Variants in CHCHD6 observed in about 807,000 individuals in gnomAD.
CHCHD6 encodes the protein coiled-coil-helix-coiled-coil-helix domain containing 6, also known as MICOS complex subunit MIC25.
In CHCHD6, 28 loss-of-function variants were observed where a neutral mutation model predicts 32.3. That is an observed-to-expected ratio of 0.87 (90% CI 0.64 to 1.19). The LOEUF (loss-of-function observed/expected upper bound fraction) is 1.19. Ranked by LOEUF, CHCHD6 falls within the 50% of genes most tolerant of loss-of-function variation. CHCHD6 has a pLI of 0.00. For missense variants in CHCHD6, 333 were observed against 307.0 expected (o/e 1.08, Z -0.63); for synonymous variants, 122 against 117.5 (o/e 1.04, Z -0.25).
At chr3:126,794,422 TTA>T (rs981331730) in intron 4 of CHCHD6, among the ~76,000 whole-genome samples, 25 of 148,386 alleles carry the variant, frequency 1.7e-4, no homozygotes, top group Admixed American at 1.2e-3. Flanking sequence ...TTGTATATAT[TTA>T]TATATATACA....
intron 7 of CHCHD6, among the ~76,000 whole-genome samples, chr3:126,958,766 T>G (rs2078821937): frequency 6.6e-6 from 1 of 152,112 alleles, no homozygotes; most frequent in Non-Finnish European, 1.5e-5. Flanking sequence ...CTCCTCCATC[T>G]CAGAGGATGG....
At chr3:126,948,097 C>T (rs1457056059) in intron 6 of CHCHD6, among the ~76,000 whole-genome samples, 2 of 152,210 alleles carry the variant, frequency 1.3e-5, no homozygotes, top group African/African-American at 2.4e-5. Context: ...ATTGGTCCCC[C>T]GGTCATTCCT....
chr3:126,793,515 C>T (rs142888073), intron 4 of CHCHD6, among the ~76,000 whole-genome samples: 1 of 152,230 alleles, frequency 6.6e-6, no homozygotes, highest in East Asian at 1.9e-4. Flanking sequence ...TCCCCTCCCC[C>T]CATAATGATA....
rs73201793 is a variant in CHCHD6 at position 126,800,196 on chromosome 3, T to C, written c.412-52451T>C. ...GATAAGTTTCTAGGAAAGATAAAAC[T>C]CAACGATTGTAAGGATGTGAGACTT... On this transcript the variant is annotated intron_variant, in intron 4 of 7. Coordinates refer to ENST00000290913, the MANE Select transcript of CHCHD6 (RefSeq NM_032343.3). Among the ~76,000 whole-genome samples, 1,355 of 152,298 alleles carry C rather than the reference T, an allele frequency of 8.9e-3. 10 individuals carry two copies. Among genetic ancestry groups the C allele is most frequent in the Middle Eastern group, 0.017 (5 of 294 alleles).
At chr3:126,948,805 G>A (rs1366554121) in intron 6 of CHCHD6, among the ~76,000 whole-genome samples, 1 of 152,236 alleles carries the variant, frequency 6.6e-6, no homozygotes, top group Non-Finnish European at 1.5e-5. Context: ...TTCGAATTGA[G>A]GAACTCATTT....
At chr3:126,903,438 T>G (rs2077959827) in intron 5 of CHCHD6, among the ~76,000 whole-genome samples, 2 of 152,176 alleles carry the variant, frequency 1.3e-5, no homozygotes, top group East Asian at 3.9e-4. Flanking sequence ...TACAGAGAAT[T>G]GTAGCAATCC....
intron 6 of CHCHD6, among the ~76,000 whole-genome samples, chr3:126,934,079 C>T (rs2078443312): frequency 6.6e-6 from 1 of 152,236 alleles, no homozygotes; most frequent in African/African-American, 2.4e-5. Flanking sequence ...CTGGATTGAG[C>T]TCACAGAAGT....
intron 4 of CHCHD6, among the ~76,000 whole-genome samples, chr3:126,762,371 A>G (rs1937194902): frequency 6.6e-6 from 1 of 151,938 alleles, no homozygotes; most frequent in Admixed American, 6.6e-5. Context: ...TTATATCCTA[A>G]TTTCCTTTTC....
chr3:126,952,500 C>G (rs2078729271), intron 6 of CHCHD6, among the ~76,000 whole-genome samples: 1 of 152,072 alleles, frequency 6.6e-6, no homozygotes, highest in African/African-American at 2.4e-5. Context: ...CAGGCAGAGG[C>G]CCAGGGTCCA....
chr3:126,816,860 C>T (rs1418066078), intron 4 of CHCHD6, among the ~76,000 whole-genome samples: 1 of 152,084 alleles, frequency 6.6e-6, no homozygotes, highest in Non-Finnish European at 1.5e-5. Context: ...TATCCCTCCC[C>T]CCTCTTCCCA....
At chr3:126,784,091 A>G (rs1198440767) in intron 4 of CHCHD6, among the ~76,000 whole-genome samples, 3 of 152,154 alleles carry the variant, frequency 2.0e-5, no homozygotes, top group East Asian at 1.9e-4. Flanking sequence ...GCCTGCAGGT[A>G]GCTTTCTGTG....
chr3:126,752,304 GC>G (rs1242604048), intron 4 of CHCHD6, among the ~76,000 whole-genome samples: 5 of 152,206 alleles, frequency 3.3e-5, no homozygotes, highest in Admixed American at 3.3e-4. Flanking sequence ...ACCCCACTGT[GC>G]CTTGTGAATG....
chr3:126,890,224 A>G (rs1159929663), intron 5 of CHCHD6, among the ~76,000 whole-genome samples: 1 of 152,198 alleles, frequency 6.6e-6, no homozygotes, highest in Admixed American at 6.5e-5. Flanking sequence ...TTTTGCAGAA[A>G]TCATCAATAG....
At chr3:126,895,006 T>C (rs1265579128) in intron 5 of CHCHD6, among the ~76,000 whole-genome samples, 2 of 152,234 alleles carry the variant, frequency 1.3e-5, no homozygotes, top group African/African-American at 4.8e-5. Flanking sequence ...TTCTTACTTA[T>C]CCTTTCAGAA....
chr3:126,767,283 G>T (rs1937413822), intron 4 of CHCHD6: 11 of 1,224,232 alleles, frequency 9.0e-6, no homozygotes, highest in Non-Finnish European at 1.3e-5. Flanking sequence ...AGGCCCAGCT[G>T]CCCCATCTTG....
At chr3:126,916,779 C>T (rs1432720738) in intron 6 of CHCHD6, among the ~76,000 whole-genome samples, 1 of 152,262 alleles carries the variant, frequency 6.6e-6, no homozygotes, top group East Asian at 1.9e-4. Context: ...GTGGCAGCCA[C>T]ATCAAAGAGG....
intron 5 of CHCHD6, among the ~76,000 whole-genome samples, chr3:126,885,986 G>A (rs895205987): frequency 6.6e-5 from 10 of 152,138 alleles, no homozygotes; most frequent in African/African-American, 9.7e-5. Flanking sequence ...GAACGGGCAC[G>A]GGCAGTGGAG....
chr3:126,852,621 C>T (rs527323830), intron 4 of CHCHD6, 26 bp from the exon 5 acceptor site: 64 of 1,591,300 alleles, frequency 4.0e-5, no homozygotes, highest in Non-Finnish European at 4.8e-5. Context: ...TGCTGGCTAA[C>T]GTGGGCTTTG....
chr3:126,778,129 C>A (rs554574817), intron 4 of CHCHD6, among the ~76,000 whole-genome samples: 1 of 152,202 alleles, frequency 6.6e-6, no homozygotes, highest in Non-Finnish European at 1.5e-5. Flanking sequence ...CACCAATATT[C>A]CATTGTATGG....
Sources: gnomAD v4.1 joint callset for allele counts (sites outside exome capture counted in the v4.1 genomes callset) on GRCh38, gnomAD v4.1.1 for gene constraint, MANE v1.5 for transcripts, NCBI Gene and HGNC (gene_info 2026-07-23, HGNC 2026-07-21) for gene names.